Variants in ANGPT4 observed in about 807,000 individuals in gnomAD.
ANGPT4 encodes angiopoietin 4, also known as angiopoietin-4.
In ANGPT4, 50 loss-of-function variants were observed where a neutral mutation model predicts 53.0. The ratio of observed to expected loss-of-function variants is 0.94; its 90% CI spans 0.75 to 1.20. The LOEUF is 1.20. ANGPT4 is among the 50% of genes most tolerant of loss of function. ANGPT4 has a pLI of 0.00. For synonymous variants in ANGPT4, 251 were observed against 259.7 expected, an observed-to-expected ratio of 0.97 and a Z score of 0.32; for missense variants, 648 against 637.1, an observed-to-expected ratio of 1.02 and a Z score of -0.18.
chr20:874,060 T>A (rs1263530069), intron 8 of ANGPT4, among the ~76,000 whole-genome samples: 1 of 152,114 alleles, frequency 6.6e-6, no homozygotes, highest in Non-Finnish European at 1.5e-5. Context: ...GGAAAACTGG[T>A]GGTGCCAGCT....
chr20:904,604 AG>A (rs1448348362), intron 1 of ANGPT4, among the ~76,000 whole-genome samples: 1 of 152,252 alleles, frequency 6.6e-6, no homozygotes, highest in Non-Finnish European at 1.5e-5. Context: ...ATTGCTTCAA[AG>A]TAGAGTGAAA....
intron 1 of ANGPT4, among the ~76,000 whole-genome samples, chr20:895,240 C>A (rs1406131663): frequency 1.3e-5 from 2 of 152,176 alleles, no homozygotes; most frequent in Non-Finnish European, 2.9e-5. Flanking sequence ...CAGGATTAGA[C>A]CTGCCCCTTC....
intron 1 of ANGPT4, among the ~76,000 whole-genome samples, chr20:902,541 C>A (rs1006529967): frequency 2.6e-5 from 4 of 152,104 alleles, no homozygotes; most frequent in African/African-American, 9.7e-5. Flanking sequence ...ACCTCAGCCT[C>A]AAAATTATGG....
Position 873,140 on chromosome 20 carries a change from A to G in ANGPT4, c.1352-20T>C. On this transcript the variant is annotated intron_variant, in intron 8 of 8. Coordinates refer to ENST00000381922, the MANE Select transcript of ANGPT4 (RefSeq NM_015985.4). The stretch of plus-strand genomic sequence containing the variant: ...ACCACCCTGGTGGAAGAGGGAGGAC[A>G]GGCGCTTGGTGGAGGTGGGAGCCCA... The G allele has an allele frequency of 6.2e-7, 1 of 1,611,876 alleles. No individual in the cohort carries two copies. The highest frequency in any genetic ancestry group is 1.3e-5 in the African/African-American group (1 of 74,948).
chr20:886,634 A>G (rs1253740037), intron 3 of ANGPT4, among the ~76,000 whole-genome samples: 1 of 152,238 alleles, frequency 6.6e-6, no homozygotes, highest in Non-Finnish European at 1.5e-5. Flanking sequence ...AAACATGCTT[A>G]GAACACTTAC....
At chr20:905,910 C>T (rs1030954631) in intron 1 of ANGPT4, among the ~76,000 whole-genome samples, 1 of 152,202 alleles carries the variant, frequency 6.6e-6, no homozygotes, top group Non-Finnish European at 1.5e-5. Flanking sequence ...CACCATTTTA[C>T]AGATGAGGAA....
intron 1 of ANGPT4, among the ~76,000 whole-genome samples, chr20:902,750 G>A (rs1982335376): frequency 6.6e-6 from 1 of 151,988 alleles, no homozygotes; most frequent in Non-Finnish European, 1.5e-5. Context: ...GGATGCCAAA[G>A]GACCCCAAGG....
chr20:885,392 C>T, intron 3 of ANGPT4, 67 bp from the exon 4 acceptor site: 2 of 1,447,338 alleles, frequency 1.4e-6, no homozygotes, highest in East Asian at 5.0e-5. Context: ...CCGCGCGCCT[C>T]CCCGGCCCTG....
chr20:903,480 C>T (rs1159338784), intron 1 of ANGPT4, among the ~76,000 whole-genome samples: 1 of 152,144 alleles, frequency 6.6e-6, no homozygotes, highest in African/African-American at 2.4e-5. Flanking sequence ...GTCATTGCTC[C>T]CTGGGCCCCC....
Position 916,323 on chromosome 20 carries a change from A to T in ANGPT4, c.-109T>A, listed in dbSNP as rs1982946242. 1 of 1,222,894 alleles carries T rather than the reference A, an allele frequency of 8.2e-7. No homozygotes were observed. Among genetic ancestry groups the T allele is most frequent in the Admixed American group, 2.2e-5 (1 of 44,920 alleles). The allele number at this position is 1,222,894 out of a possible 1,614,324, so 75.8% of individuals were successfully genotyped here. ...CAGGCTTGCCTGCAGCTGCAGCTAC[A>T]AACCTCTGTCTGGCCGAGCTCTGTC... On this transcript the variant is annotated 5_prime_UTR_variant, in exon 1 of 9. Transcript: ENST00000381922.
At position 911,729 on chromosome 20, in the gene ANGPT4, C is replaced by T. The variant is rs986118660; in HGVS notation, c.309+4177G>A. 5.9e-5 allele frequency among the ~76,000 whole-genome samples: 9 copies of T among 152,044 alleles called. No homozygotes were observed. Among genetic ancestry groups the T allele is most frequent in the Admixed American group, 2.0e-4 (3 of 15,270 alleles). ...ACTTGGAAGACTGAGGCGGGAGGATCGCTTGAGCTCAGGAGTTCAAGGCTG... is the reference window on the plus strand; with the variant it reads ...ACTTGGAAGACTGAGGCGGGAGGATTGCTTGAGCTCAGGAGTTCAAGGCTG... On this transcript the variant is annotated intron_variant, in intron 1 of 8. Coordinates refer to ENST00000381922, the MANE Select transcript of ANGPT4 (RefSeq NM_015985.4). The surrounding 1 kb of genome is among the most constrained non-coding windows in gnomAD (Gnocchi z 4.9).
intron 1 of ANGPT4, among the ~76,000 whole-genome samples, chr20:905,382 T>C (rs960847834): frequency 1.3e-5 from 2 of 151,700 alleles, no homozygotes; most frequent in African/African-American, 4.8e-5. Flanking sequence ...AAAGAGCAGA[T>C]GGGTCAGTTT....
Position 885,333 on chromosome 20 carries a change from G to T in ANGPT4, c.588-8C>A, listed in dbSNP as rs908177302. On this transcript the variant is annotated splice_region_variant and splice_polypyrimidine_tract_variant and intron_variant, in intron 3 of 8. Transcript: ENST00000381922. ...AACCGCTTCTCGAGCGCGCTGCGGGGTAGGGGGCGCACAGAGGTGAGCCTG... is the reference window on the plus strand; with the variant it reads ...AACCGCTTCTCGAGCGCGCTGCGGGTTAGGGGGCGCACAGAGGTGAGCCTG... The T allele has an allele frequency of 1.5e-5, 23 of 1,573,382 alleles. No homozygotes were observed. The highest frequency in any genetic ancestry group is 2.0e-5 in the Non-Finnish European group (23 of 1,165,644).
At position 890,126 on chromosome 20, in the gene ANGPT4, G is replaced by T. The variant is rs565736399; in HGVS notation, c.465+87C>A. Reference sequence around the variant, plus strand: ...AGAGGAGGCCTTGACCCTACTCAGGGTCAGAGATCAAGGTAAGATGACTGG... The same window carrying T: ...AGAGGAGGCCTTGACCCTACTCAGGTTCAGAGATCAAGGTAAGATGACTGG... On this transcript the variant is annotated intron_variant, in intron 2 of 8. Transcript: ENST00000381922. 5 of 1,514,164 alleles carry T rather than the reference G, an allele frequency of 3.3e-6. No homozygotes were observed. The South Asian group carries it at 6.3e-5, about 19-fold the overall frequency. 93.8% of individuals were successfully genotyped at this position (1,514,164 alleles called of 1,614,324 possible).
rs528567403 is a variant in ANGPT4, at chr20:879,654, G to T, written c.1053+93C>A. ...TTAGATGAGTTGATTTTTTCTGGGGGAGGAATGAGGGCAAAGCAGTCCCCT... is the reference window on the plus strand; with the variant it reads ...TTAGATGAGTTGATTTTTTCTGGGGTAGGAATGAGGGCAAAGCAGTCCCCT... On this transcript the variant is annotated intron_variant, in intron 6 of 8. Coordinates refer to ENST00000381922, the MANE Select transcript of ANGPT4 (RefSeq NM_015985.4). The T allele has an allele frequency of 5.2e-4, 498 of 966,190 alleles. 2 individuals are homozygous for T. The African/African-American group carries it at 6.3e-3, about 12-fold the overall frequency. 59.9% of individuals were successfully genotyped at this position (966,190 alleles called of 1,614,324 possible).
chr20:880,499 G>A (rs939361635), intron 5 of ANGPT4, among the ~76,000 whole-genome samples: 3 of 151,974 alleles, frequency 2.0e-5, no homozygotes, highest in Admixed American at 1.3e-4. Context: ...GAGGCAGGAG[G>A]ATCACTCGAG....
chr20:900,949 G>T (rs956784057), intron 1 of ANGPT4, among the ~76,000 whole-genome samples: 5 of 152,136 alleles, frequency 3.3e-5, no homozygotes, highest in African/African-American at 1.2e-4. Flanking sequence ...CTGCATCCAG[G>T]CCATCACCAA....
intron 1 of ANGPT4, among the ~76,000 whole-genome samples, chr20:912,471 C>T (rs1444069141): frequency 3.9e-5 from 6 of 152,204 alleles, no homozygotes; most frequent in Non-Finnish European, 7.3e-5. Flanking sequence ...CTCTGTCCCC[C>T]AACCTCCTCA....
rs1980944112 is a variant in ANGPT4, at chr20:871,617, C to T, written c.*1343G>A. 1 of 152,368 alleles carries T rather than the reference C, an allele frequency of 6.6e-6. No individual in the cohort carries two copies. The highest frequency in any genetic ancestry group is 2.4e-5 in the African/African-American group (1 of 41,460). 9.4% of individuals were successfully genotyped at this position (152,368 alleles called of 1,614,324 possible). ...TACCACCACAGAGGCAGCATCACTGCTGGATGGGGAAGGGAGGGAGGCTAG... is the reference window on the plus strand; with the variant it reads ...TACCACCACAGAGGCAGCATCACTGTTGGATGGGGAAGGGAGGGAGGCTAG... On this transcript the variant is annotated 3_prime_UTR_variant, in exon 9 of 9. Coordinates refer to ENST00000381922, the MANE Select transcript of ANGPT4 (RefSeq NM_015985.4).
Sources: allele counts gnomAD v4.1 joint callset (sites outside exome capture counted in the v4.1 genomes callset), GRCh38; gene constraint gnomAD v4.1.1; non-coding constraint Gnocchi (gnomAD v3.1); transcripts MANE v1.5; gene names NCBI Gene and HGNC (gene_info 2026-07-23, HGNC 2026-07-21).